The following NETO2 variants were observed in gnomAD, a reference collection of about 807,000 sequenced individuals.
The protein encoded by NETO2 is neuropilin and tolloid like 2.
NETO2 carries 28 observed loss-of-function variants against 62.5 expected under a neutral mutation model. The observed-to-expected ratio is 0.45, with a 90% CI of 0.33 to 0.61. The LOEUF is 0.61. Ranked by LOEUF, NETO2 falls within the 20% of genes least tolerant of loss-of-function variation. The pLI is 0.02. For synonymous variants in NETO2, 214 were observed against 219.1 expected (o/e 0.98, Z 0.21); for missense variants, 548 against 643.2 (o/e 0.85, Z 1.60).
At chr16:47,128,695 G>A in intron 3 of NETO2, 122 bp from the exon 4 acceptor site, 1 of 1,007,620 alleles carries the variant, frequency 9.9e-7, no homozygotes, top group South Asian at 1.6e-5. Context: ...AGGTCTTAGT[G>A]AGAATTGCTA....
intron 7 of NETO2, among the ~76,000 whole-genome samples, chr16:47,105,117 C>G (rs933366096): frequency 2.0e-5 from 3 of 151,822 alleles, no homozygotes; most frequent in Non-Finnish European, 4.4e-5. Flanking sequence ...AGGCTGGTCT[C>G]AAACTCCTGG....
At chr16:47,088,794 A>T (rs1211517102) in intron 7 of NETO2, among the ~76,000 whole-genome samples, 1 of 152,222 alleles carries the variant, frequency 6.6e-6, no homozygotes, top group Non-Finnish European at 1.5e-5. Flanking sequence ...CATTATCAGT[A>T]ATAAAACTGA....
intron 8 of NETO2, among the ~76,000 whole-genome samples, chr16:47,085,403 G>T (rs867625280): frequency 1.3e-5 from 2 of 151,386 alleles, no homozygotes; most frequent in Non-Finnish European, 2.9e-5. Flanking sequence ...TGGATGAGAC[G>T]GAGTTTTCAC....
chr16:47,091,331 A>C (rs1446748679), intron 7 of NETO2, among the ~76,000 whole-genome samples: 2 of 152,176 alleles, frequency 1.3e-5, no homozygotes, highest in Admixed American at 1.3e-4. Flanking sequence ...TCACCTGTTT[A>C]ATTATCAGAT....
At chr16:47,125,352 T>G (rs952315429) in intron 4 of NETO2, among the ~76,000 whole-genome samples, 3 of 151,984 alleles carry the variant, frequency 2.0e-5, no homozygotes, top group Admixed American at 6.6e-5. Context: ...GCTACTAGTT[T>G]TTTTTTTTTT....
chr16:47,094,477 G>A (rs1435094884), intron 7 of NETO2, among the ~76,000 whole-genome samples: 2 of 151,822 alleles, frequency 1.3e-5, no homozygotes, highest in African/African-American at 4.8e-5. Flanking sequence ...CCAGGCTGGA[G>A]TGCAGTGGTG....
chr16:47,133,565 A>G (rs922164422), intron 1 of NETO2, among the ~76,000 whole-genome samples: 2 of 151,102 alleles, frequency 1.3e-5, no homozygotes, highest in African/African-American at 4.9e-5. Context: ...CCTCAATAAC[A>G]TAAAGTAACA....
At chr16:47,086,417 A>G in intron 7 of NETO2, 78 bp from the exon 8 acceptor site, 5 of 913,054 alleles carry the variant, frequency 5.5e-6, no homozygotes, top group Non-Finnish European at 8.8e-6. Flanking sequence ...ATCTGACTTT[A>G]TAAGAGTACT....
intron 1 of NETO2, among the ~76,000 whole-genome samples, chr16:47,136,563 G>A (rs1026615606): frequency 3.3e-5 from 5 of 152,082 alleles, no homozygotes; most frequent in East Asian, 1.9e-4. Flanking sequence ...GCGCCACCAC[G>A]GCCAGCTCAT....
chr16:47,095,212 T>C (rs1032377480), intron 7 of NETO2, among the ~76,000 whole-genome samples: 2 of 151,594 alleles, frequency 1.3e-5, no homozygotes, highest in Non-Finnish European at 2.9e-5. Flanking sequence ...CTATAAAATA[T>C]ACACAAAAGG....
intron 7 of NETO2, among the ~76,000 whole-genome samples, chr16:47,100,316 G>C (rs1215295833): frequency 1.3e-5 from 2 of 152,224 alleles, no homozygotes; most frequent in South Asian, 4.1e-4. Context: ...GCAGTGTTTA[G>C]AGGGAAATTT....
rs1964518266 is a variant in NETO2, at chr16:47,143,822, G to C, written c.-210C>G. ...CCCGCGCGGCCCGAGCACCCCGACGGGCGCCGCCTCCTGCTCCGCGGCGCC... is the reference window on the plus strand; with the variant it reads ...CCCGCGCGGCCCGAGCACCCCGACGCGCGCCGCCTCCTGCTCCGCGGCGCC... On this transcript the variant is annotated 5_prime_UTR_variant, in exon 1 of 9. Coordinates refer to ENST00000562435, the MANE Select transcript of NETO2 (RefSeq NM_018092.5). 2 of 539,928 alleles carry C rather than the reference G, an allele frequency of 3.7e-6. No homozygotes were observed. Among genetic ancestry groups the C allele is most frequent in the South Asian group, 1.9e-4 (2 of 10,792 alleles). The allele number at this position is 539,928 out of a possible 1,614,324, so 33.4% of individuals were successfully genotyped here. A position where few individuals can be genotyped will look rare whatever the true frequency, so the allele number is the denominator to read the frequency against.
intron 7 of NETO2, among the ~76,000 whole-genome samples, chr16:47,101,105 A>AT (rs1963533141): frequency 6.6e-6 from 1 of 152,188 alleles, no homozygotes; most frequent in South Asian, 2.1e-4. Flanking sequence ...TATTTACCAC[A>AT]ATCAAGTCAG....
chr16:47,141,066 T>C (rs1385412387), intron 1 of NETO2, among the ~76,000 whole-genome samples: 2 of 152,210 alleles, frequency 1.3e-5, no homozygotes, highest in African/African-American at 2.4e-5. Flanking sequence ...TTCAACAACA[T>C]AGGAAAGGTT....
intron 7 of NETO2, among the ~76,000 whole-genome samples, chr16:47,101,702 A>G (rs921732697): frequency 4.6e-5 from 7 of 152,212 alleles, no homozygotes; most frequent in African/African-American, 1.7e-4. Context: ...AGAGAATAAA[A>G]TACCTAGGAA....
intron 1 of NETO2, among the ~76,000 whole-genome samples, chr16:47,137,209 G>A (rs1244033453): frequency 2.6e-5 from 4 of 152,144 alleles, no homozygotes; most frequent in South Asian, 4.1e-4. Flanking sequence ...CACTGTGACC[G>A]TGGTCCTCAA....
chr16:47,098,877 A>T (rs2143850291), intron 7 of NETO2, among the ~76,000 whole-genome samples: 1 of 152,206 alleles, frequency 6.6e-6, no homozygotes, highest in South Asian at 2.1e-4. Context: ...AATATGCAAC[A>T]TTCTTTTTTT....
In NETO2 at chr16:47,083,307, C is replaced by T; in HGVS notation, c.1492G>A (p.Asp498Asn). The T allele has an allele frequency of 5.6e-6, 9 of 1,614,242 alleles. No homozygotes were observed. The highest frequency in any genetic ancestry group is 7.6e-6 in the Non-Finnish European group (9 of 1,180,042). The change falls in exon 9 of 9, where the codon GAC becomes AAC. Residue 498 changes from aspartate to asparagine, a missense_variant. Transcript: ENST00000562435. ...GHECPEQALE[D>N]RVMEEIPCEI... Reference sequence around the variant, plus strand: ...CAGGGAATCTCCTCCATTACTCGGTCTTCCAGGGCCTGCTCAGGGCACTCA... The same window carrying T: ...CAGGGAATCTCCTCCATTACTCGGTTTTCCAGGGCCTGCTCAGGGCACTCA...
At chr16:47,096,188 T>C (rs1396041555) in intron 7 of NETO2, among the ~76,000 whole-genome samples, 2 of 152,160 alleles carry the variant, frequency 1.3e-5, no homozygotes, top group Admixed American at 1.3e-4. Context: ...TTTACACCTG[T>C]AAATGCCTAC....
Sources: gnomAD v4.1 joint callset for allele counts (sites outside exome capture counted in the v4.1 genomes callset) on GRCh38, gnomAD v4.1.1 for gene constraint, MANE v1.5 for transcripts, NCBI Gene and HGNC (gene_info 2026-07-23, HGNC 2026-07-21) for gene names.